The following ADAMTSL1 variants were observed in gnomAD, a reference collection of about 807,000 sequenced individuals.
ADAMTSL1 encodes ADAMTS like 1.
ADAMTSL1 carries 126 observed loss-of-function variants against 201.8 expected under a neutral mutation model. The ratio of observed to expected loss-of-function variants is 0.62; its 90% CI spans 0.54 to 0.72. The LOEUF (loss-of-function observed/expected upper bound fraction) is 0.72. Ranked by LOEUF, ADAMTSL1 falls within the 30% of genes least tolerant of loss-of-function variation. The probability of loss-of-function intolerance (pLI) is 0.00; values close to 1 mark genes in which losing one functional copy is unlikely to be tolerated. For missense variants in ADAMTSL1, 2,679 were observed against 2,277.8 expected (o/e 1.18, Z -3.59); for synonymous variants, 1,121 against 903.4 (o/e 1.24, Z -4.32).
intron 15 of ADAMTSL1, among the ~76,000 whole-genome samples, chr9:18,750,443 T>C (rs1297596625): frequency 6.6e-6 from 1 of 152,280 alleles, no homozygotes; most frequent in Non-Finnish European, 1.5e-5. Flanking sequence ...TTTATGTTGT[T>C]GCTTATTGTT....
chr9:18,279,835 C>A (rs1832717018), intron 2 of ADAMTSL1, among the ~76,000 whole-genome samples: 1 of 152,168 alleles, frequency 6.6e-6, no homozygotes, highest in Non-Finnish European at 1.5e-5. Flanking sequence ...GTGGGCCAGC[C>A]TGGAGCCTGG....
chr9:17,934,569 A>G (rs1826926525), intron 1 of ADAMTSL1, among the ~76,000 whole-genome samples: 1 of 152,178 alleles, frequency 6.6e-6, no homozygotes, highest in Non-Finnish European at 1.5e-5. Flanking sequence ...CAACAATGAT[A>G]CCAAATTTCC....
At chr9:18,888,956 C>T (rs1381619652) in intron 24 of ADAMTSL1, among the ~76,000 whole-genome samples, 2 of 152,202 alleles carry the variant, frequency 1.3e-5, no homozygotes, top group African/African-American at 2.4e-5. Context: ...GGCCTATTTG[C>T]AAGACTTGTA....
intron 4 of ADAMTSL1, among the ~76,000 whole-genome samples, chr9:18,601,373 G>A (rs958646636): frequency 6.6e-6 from 1 of 152,168 alleles, no homozygotes. Flanking sequence ...CAAGTGCCAG[G>A]GCAACTTTGA....
At chr9:18,729,426 G>A (rs570592110) in intron 15 of ADAMTSL1, among the ~76,000 whole-genome samples, 56 of 152,332 alleles carry the variant, frequency 3.7e-4, no homozygotes, top group Middle Eastern at 3.4e-3. Flanking sequence ...GAAGTCTGCA[G>A]GGAGCAAGAC....
chr9:18,164,742 T>A (rs1290336839), intron 2 of ADAMTSL1, among the ~76,000 whole-genome samples: 7 of 151,804 alleles, frequency 4.6e-5, no homozygotes, highest in African/African-American at 7.2e-5. Context: ...AAATAACATC[T>A]TAGAATACCC....
intron 1 of ADAMTSL1, among the ~76,000 whole-genome samples, chr9:17,995,114 C>T (rs1819318475): frequency 1.3e-5 from 2 of 152,122 alleles, no homozygotes; most frequent in Non-Finnish European, 2.9e-5. Context: ...GAATGGGAGG[C>T]AGAAGTTAAA....
chr9:18,642,687 G>A (rs991226362), intron 7 of ADAMTSL1, among the ~76,000 whole-genome samples: 1 of 151,898 alleles, frequency 6.6e-6, no homozygotes, highest in Non-Finnish European at 1.5e-5. Flanking sequence ...CGCAGTATTT[G>A]TCTTTCTGGG....
intron 2 of ADAMTSL1, among the ~76,000 whole-genome samples, chr9:18,334,221 A>G: frequency 6.6e-6 from 1 of 152,184 alleles, no homozygotes; most frequent in East Asian, 1.9e-4. Context: ...TGGTCCCAGG[A>G]GTGCCATTTT....
intron 5 of ADAMTSL1, among the ~76,000 whole-genome samples, chr9:18,628,162 ACTT>A (rs1212426053): frequency 6.7e-6 from 1 of 149,604 alleles, no homozygotes; most frequent in Admixed American, 6.8e-5. Context: ...ATGTCTAAGA[ACTT>A]CTTGCCTAAG....
intron 1 of ADAMTSL1, among the ~76,000 whole-genome samples, chr9:18,122,431 G>A (rs1187001190): frequency 1.3e-5 from 2 of 152,098 alleles, no homozygotes; most frequent in Non-Finnish European, 2.9e-5. Flanking sequence ...GAAGATCAGG[G>A]CCCAGGACTT....
chr9:18,236,887 G>T (rs1184388625), intron 2 of ADAMTSL1, among the ~76,000 whole-genome samples: 1 of 152,130 alleles, frequency 6.6e-6, no homozygotes, highest in African/African-American at 2.4e-5. Context: ...CAAAGGATCT[G>T]GTTCAGGAAA....
chr9:18,620,545 G>A (rs571598773), intron 4 of ADAMTSL1, among the ~76,000 whole-genome samples: 30 of 152,194 alleles, frequency 2.0e-4, no homozygotes, highest in Non-Finnish European at 2.8e-4. Context: ...GCTCATGGGC[G>A]GGCCCATCTA....
intron 15 of ADAMTSL1, among the ~76,000 whole-genome samples, chr9:18,739,854 A>G (rs1343309630): frequency 6.6e-6 from 1 of 151,220 alleles, no homozygotes; most frequent in East Asian, 1.9e-4. Flanking sequence ...ACGCATATGC[A>G]TGTGTATCAA....
chr9:18,740,651 A>C (rs981621283), intron 15 of ADAMTSL1, among the ~76,000 whole-genome samples: 9 of 151,412 alleles, frequency 5.9e-5, no homozygotes, highest in Admixed American at 2.6e-4. Context: ...TCATTTTTGT[A>C]TTTTTAATAG....
chr9:18,633,259 A>T, intron 5 of ADAMTSL1, among the ~76,000 whole-genome samples: 1 of 152,310 alleles, frequency 6.6e-6, no homozygotes, highest in East Asian at 1.9e-4. Context: ...TTGCAAACTT[A>T]AAAAGTCATG....
intron 1 of ADAMTSL1, among the ~76,000 whole-genome samples, chr9:18,049,805 A>G (rs149102342): frequency 2.4e-4 from 37 of 152,058 alleles, no homozygotes; most frequent in African/African-American, 8.7e-4. Context: ...TTGTATTTTT[A>G]GTAGAGATAG....
chr9:17,924,021 G>T (rs1167158533), intron 1 of ADAMTSL1, among the ~76,000 whole-genome samples: 2 of 133,178 alleles, frequency 1.5e-5, no homozygotes, highest in African/African-American at 2.8e-5. Flanking sequence ...GCTGGATTCG[G>T]TTTGCCAGTA....
chr9:18,589,962 T>C (rs752978761), intron 4 of ADAMTSL1, among the ~76,000 whole-genome samples: 17 of 152,314 alleles, frequency 1.1e-4, no homozygotes, highest in Middle Eastern at 3.4e-3. Context: ...TTGAATTCTG[T>C]TTGCTAGTAT....
Sources: gnomAD v4.1 joint callset for allele counts (sites outside exome capture counted in the v4.1 genomes callset) on GRCh38, gnomAD v4.1.1 for gene constraint, MANE v1.5 for transcripts, NCBI Gene and HGNC (gene_info 2026-07-23, HGNC 2026-07-21) for gene names.